ZFP14: variants seen among roughly 807,000 people sequenced by gnomAD.
ZFP14 encodes ZFP14 zinc finger protein.
ZFP14 carries 22 observed loss-of-function variants against 54.5 expected under a neutral mutation model. The observed-to-expected ratio is 0.40, with a 90% CI of 0.29 to 0.58. The LOEUF (loss-of-function observed/expected upper bound fraction) is 0.58. Ranked by LOEUF, ZFP14 falls within the 20% of genes least tolerant of loss-of-function variation. The probability of loss-of-function intolerance (pLI) is 0.39; values close to 1 mark genes in which losing one functional copy is unlikely to be tolerated. For synonymous variants in ZFP14, 159 were observed against 204.0 expected (o/e 0.78, Z 1.88); for missense variants, 470 against 637.8 (o/e 0.74, Z 2.83).
At chr19:36,346,325 AAAC>A (rs1442247971) in intron 4 of ZFP14, among the ~76,000 whole-genome samples, 1 of 152,186 alleles carries the variant, frequency 6.6e-6, no homozygotes, top group Non-Finnish European at 1.5e-5. Context: ...AACAAAAACA[AAAC>A]AAAAAAACAA....
At chr19:36,359,897 A>C (rs1015687582) in intron 4 of ZFP14, among the ~76,000 whole-genome samples, 5 of 152,212 alleles carry the variant, frequency 3.3e-5, no homozygotes, top group South Asian at 2.1e-4. Context: ...TCAAGTGACC[A>C]GCCTGCCTCG....
At chr19:36,358,045 G>GATCTATCT (rs34306634) in intron 4 of ZFP14, among the ~76,000 whole-genome samples, 3,838 of 141,708 alleles carry the variant, frequency 0.027, 71 homozygotes, top group South Asian at 0.058. Flanking sequence ...GCCCGGCTCT[G>GATCTATCT]ATCTATCTAT....
At chr19:36,365,342 T>G (rs1191604464) in intron 2 of ZFP14, among the ~76,000 whole-genome samples, 2 of 152,200 alleles carry the variant, frequency 1.3e-5, no homozygotes, top group Non-Finnish European at 1.5e-5. Flanking sequence ...ATTTTTCTCA[T>G]TTGCTTGGTT....
intron 4 of ZFP14, among the ~76,000 whole-genome samples, chr19:36,346,603 G>A (rs1369648594): frequency 6.6e-6 from 1 of 152,018 alleles, no homozygotes; most frequent in Non-Finnish European, 1.5e-5. Flanking sequence ...GACTACAGGT[G>A]TTTCTACCAT....
chr19:36,341,436 C>G lies in ZFP14; in HGVS notation c.390G>C (p.Glu130Asp). The G allele has an allele frequency of 6.2e-7, 1 of 1,614,104 alleles. No individual in the cohort carries two copies. Among genetic ancestry groups the G allele is most frequent in the Non-Finnish European group, 8.5e-7 (1 of 1,180,016 alleles). ...RNDWECKSKI[E>D]GEKEQQEGYF... ...ATCCCTCTTGTTGTTCCTTTTCCCC[C>G]TCAATCTTGCTTTTGCATTCCCAAT... Residue 130 changes from glutamate to aspartate, a missense_variant, in exon 5 of 5, where the codon GAG becomes GAC. By Grantham distance (45) the Glu-to-Asp change is conservative (BLOSUM62 2). Transcript: ENST00000270001. The surrounding 1 kb of genome is among the most constrained non-coding windows in gnomAD (Gnocchi z 4.2).
chr19:36,360,442 G>A lies in ZFP14; in HGVS notation c.228C>T (p.Tyr76=), dbSNP rs1476353468. 6.2e-7 allele frequency: 1 copy of A among 1,613,274 alleles called. No homozygotes were observed. The highest frequency in any genetic ancestry group is 8.5e-7 in the Non-Finnish European group (1 of 1,179,556). ...GMVVREGTRR[Y]CPDLESRYRT... is the part of the protein sequence containing the mutation. ...TGCTCAGCCCTCACTCACCAGGGCA[G>A]TATCTTCTTGTCCCTTCCCTCACAA... The change falls in exon 4 of 5, where the codon TAC becomes TAT. Residue 76 remains tyrosine (Y), a synonymous_variant. Transcript: ENST00000270001.
intron 1 of ZFP14, among the ~76,000 whole-genome samples, chr19:36,376,616 T>C (rs1313956758): frequency 2.6e-5 from 4 of 152,086 alleles, no homozygotes; most frequent in Admixed American, 2.6e-4. Context: ...TTATCAACAA[T>C]TTACAAAAGG....
At position 36,354,780 on chromosome 19, in the gene ZFP14, T is replaced by C. The variant is rs1239033826; in HGVS notation, c.235+5655A>G. 2.8e-5 allele frequency among the ~76,000 whole-genome samples: 4 copies of C among 142,954 alleles called. 1 individual carries two copies. The highest frequency in any genetic ancestry group is 6.2e-5 in the Non-Finnish European group (4 of 64,484). 93.8% of individuals were successfully genotyped at this position (142,954 alleles called of 152,430 possible). ...TCCACCTCCCAGGTTCAAGCGATAC[T>C]TCTGCCTTAGCCTCCTGAGTAGCTG... On this transcript the variant is annotated intron_variant, in intron 4 of 4. Coordinates refer to ENST00000270001, the MANE Select transcript of ZFP14 (RefSeq NM_020917.3).
intron 1 of ZFP14, among the ~76,000 whole-genome samples, chr19:36,376,903 G>A (rs569172502): frequency 6.6e-6 from 1 of 152,210 alleles, no homozygotes; most frequent in South Asian, 2.1e-4. Context: ...GCAGGTTGAG[G>A]ACTAGAACCC....
At chr19:36,375,327 T>C (rs2031942745) in intron 1 of ZFP14, among the ~76,000 whole-genome samples, 1 of 152,032 alleles carries the variant, frequency 6.6e-6, no homozygotes, top group African/African-American at 2.4e-5. Flanking sequence ...GTGTGTGCCA[T>C]CATGAGATTG....
At chr19:36,376,829 A>T (rs1475658761) in intron 1 of ZFP14, among the ~76,000 whole-genome samples, 1 of 152,190 alleles carries the variant, frequency 6.6e-6, no homozygotes, top group African/African-American at 2.4e-5. Flanking sequence ...CTCATTTTGC[A>T]GATGATGAAA....
In ZFP14 at chr19:36,352,127, C is replaced by T. The variant is rs530709533; in HGVS notation, c.235+8308G>A. On this transcript the variant is annotated intron_variant, in intron 4 of 4. Coordinates refer to ENST00000270001, the MANE Select transcript of ZFP14 (RefSeq NM_020917.3). ...TGAACTCGGGAGGCAGAGCTTGCAGCGAGCCGAGATCGTGCCACTGCACTC... is the reference window on the plus strand; with the variant it reads ...TGAACTCGGGAGGCAGAGCTTGCAGTGAGCCGAGATCGTGCCACTGCACTC... 2.0e-3 allele frequency among the ~76,000 whole-genome samples: 281 copies of T among 138,630 alleles called. 28 individuals are homozygous for T. Among genetic ancestry groups the T allele is most frequent in the African/African-American group, 6.8e-3 (254 of 37,538 alleles). The allele number at this position is 138,630 out of a possible 152,430, so 90.9% of individuals were successfully genotyped here.
In ZFP14 at chr19:36,338,528, A is replaced by G. The variant is rs1320368969; in HGVS notation, c.*1696T>C. 1 of 152,032 alleles carries G rather than the reference A, an allele frequency of 6.6e-6. No individual in the cohort carries two copies. The highest frequency in any genetic ancestry group is 1.5e-5 in the Non-Finnish European group (1 of 68,080). 9.4% of individuals were successfully genotyped at this position (152,032 alleles called of 1,614,324 possible). A position where few individuals can be genotyped will look rare whatever the true frequency, so the allele number is the denominator to read the frequency against. On this transcript the variant is annotated 3_prime_UTR_variant, in exon 5 of 5. Transcript: ENST00000270001. The stretch of plus-strand genomic sequence containing the variant: ...TAGTGAGACCCTTTCTCTAAAAAAA[A>G]AAAAAAAATTTAGGTGGAAGAATCA...
chr19:36,341,661 A>T lies in ZFP14; in HGVS notation c.236-71T>A, dbSNP rs2031318484. 1 of 1,427,806 alleles carries T rather than the reference A, an allele frequency of 7.0e-7. No homozygotes were observed. Among genetic ancestry groups the T allele is most frequent in the African/African-American group, 1.4e-5 (1 of 69,774 alleles). 88.4% of individuals were successfully genotyped at this position (1,427,806 alleles called of 1,614,324 possible). A position where few individuals can be genotyped will look rare whatever the true frequency, so the allele number is the denominator to read the frequency against. ...GAAAGAAAAAACAAACAAACAAAAA[A>T]ACCACTTCTATAGAGAAAAGGCACC... On this transcript the variant is annotated intron_variant, in intron 4 of 4. Coordinates refer to ENST00000270001, the MANE Select transcript of ZFP14 (RefSeq NM_020917.3). This position sits in a 1 kb window ranked among gnomAD's most constrained non-coding sequence, Gnocchi z 4.2.
At chr19:36,352,707 C>T (rs1166660246) in intron 4 of ZFP14, among the ~76,000 whole-genome samples, 1 of 141,832 alleles carries the variant, frequency 7.1e-6, no homozygotes, top group South Asian at 2.2e-4. Flanking sequence ...TTTGGGAGGC[C>T]GAGGCGGGCG....
Position 36,338,330 on chromosome 19 carries a change from T to G in ZFP14, c.*1894A>C, listed in dbSNP as rs1388744707. The G allele has an allele frequency of 6.6e-6, 1 of 152,030 alleles. No homozygotes were observed. The highest frequency in any genetic ancestry group is 1.5e-5 in the Non-Finnish European group (1 of 68,016). 9.4% of individuals were successfully genotyped at this position (152,030 alleles called of 1,614,324 possible). ...TGATGAACTTCTGGTGACCCTGAAA[T>G]TTGGTTCACATGGGAAAAGGAAACT... On this transcript the variant is annotated 3_prime_UTR_variant, in exon 5 of 5. Transcript: ENST00000270001.
At chr19:36,356,414 C>A (rs1056373819) in intron 4 of ZFP14, among the ~76,000 whole-genome samples, 1 of 149,256 alleles carries the variant, frequency 6.7e-6, no homozygotes, top group Non-Finnish European at 1.5e-5. Context: ...GGTGACAGAG[C>A]GAGACTGTCT....
Position 36,340,688 on chromosome 19 carries a change from T to C in ZFP14, c.1138A>G (p.Arg380Gly). Reference sequence around the variant, plus strand: ...CTCTGATGGCGAACTAGTTGTTGTCTTAATCTAAAAGTCTTCCCACATTCC... The same window carrying C: ...CTCTGATGGCGAACTAGTTGTTGTCCTAATCTAAAAGTCTTCCCACATTCC... ...CKECGKTFRL[R>G]QQLVRHQRIH... The change falls in exon 5 of 5, where the codon AGA becomes GGA. Residue 380 changes from arginine to glycine, a missense_variant. Physicochemically the swap from Arg to Gly is moderately radical, Grantham distance 125 (BLOSUM62 -2). Transcript: ENST00000270001. The surrounding 1 kb of genome is among the most constrained non-coding windows in gnomAD (Gnocchi z 5.4). 6.2e-7 allele frequency: 1 copy of C among 1,613,742 alleles called. No individual in the cohort carries two copies. Among genetic ancestry groups the C allele is most frequent in the Non-Finnish European group, 8.5e-7 (1 of 1,179,882 alleles).
Position 36,341,682 on chromosome 19 carries a change from G to C in ZFP14, c.236-92C>G. The stretch of plus-strand genomic sequence containing the variant: ...AAAAAACCACTTCTATAGAGAAAAG[G>C]CACCTAAAATAATGCCTGTTACAAA... On this transcript the variant is annotated intron_variant, in intron 4 of 4. Transcript: ENST00000270001. The surrounding 1 kb of genome is among the most constrained non-coding windows in gnomAD (Gnocchi z 4.2). The C allele has an allele frequency of 4.0e-6, 5 of 1,252,250 alleles. No individual in the cohort carries two copies. Among genetic ancestry groups the C allele is most frequent in the Non-Finnish European group, 5.3e-6 (5 of 936,924 alleles). The allele number at this position is 1,252,250 out of a possible 1,614,324, so 77.6% of individuals were successfully genotyped here.
Sources: allele counts gnomAD v4.1 joint callset (sites outside exome capture counted in the v4.1 genomes callset), GRCh38; gene constraint gnomAD v4.1.1; non-coding constraint Gnocchi (gnomAD v3.1); transcripts MANE v1.5; gene names NCBI Gene and HGNC (gene_info 2026-07-23, HGNC 2026-07-21).